CWC27: variants seen among roughly 807,000 people sequenced by gnomAD.
CWC27 encodes the protein CWC27 spliceosome associated cyclophilin, also known as spliceosome-associated protein CWC27 homolog.
A neutral mutation model predicts 63.6 loss-of-function variants in CWC27; 47 were observed. The observed-to-expected ratio is 0.74, with a 90% CI of 0.58 to 0.94. The LOEUF (loss-of-function observed/expected upper bound fraction) is 0.94. Among genes scored for constraint, CWC27 ranks in the 40% least tolerant of loss-of-function variants. The pLI is 0.00. For synonymous variants in CWC27, 175 were observed against 179.8 expected, an observed-to-expected ratio of 0.97 and a Z score of 0.22; for missense variants, 495 against 554.3, an observed-to-expected ratio of 0.89 and a Z score of 1.07.
chr5:64,799,131 C>T (rs181120722), intron 7 of CWC27, among the ~76,000 whole-genome samples: 202 of 152,312 alleles, frequency 1.3e-3, no homozygotes, highest in Middle Eastern at 6.8e-3. Context: ...AACCCTAGAT[C>T]CTCTACCACT....
chr5:64,881,868 A>C (rs1746943704), intron 10 of CWC27, among the ~76,000 whole-genome samples: 1 of 152,104 alleles, frequency 6.6e-6, no homozygotes, highest in African/African-American at 2.4e-5. Context: ...AATAATCTCT[A>C]CCTCAAAGAC....
intron 10 of CWC27, among the ~76,000 whole-genome samples, chr5:64,853,878 A>G (rs535801807): frequency 1.3e-5 from 2 of 152,344 alleles, no homozygotes; most frequent in Admixed American, 6.5e-5. Context: ...AAGTTAAGTC[A>G]TGTTAGGTAT....
At chr5:64,825,588 G>GT (rs983727141) in intron 10 of CWC27, among the ~76,000 whole-genome samples, 15 of 151,944 alleles carry the variant, frequency 9.9e-5, no homozygotes, top group African/African-American at 3.6e-4. Context: ...TTGGGGTTTT[G>GT]TTTTTTAGCT....
At chr5:64,790,965 GTC>G (rs1744056284) in intron 7 of CWC27, among the ~76,000 whole-genome samples, 1 of 152,080 alleles carries the variant, frequency 6.6e-6, no homozygotes, top group South Asian at 2.1e-4. Flanking sequence ...AGCTAGTTAA[GTC>G]TCTCATATGA....
Position 64,935,569 on chromosome 5 carries a change from T to C in CWC27, c.1043-36134T>C, listed in dbSNP as rs191241632. Among the ~76,000 whole-genome samples, 596 of 152,320 alleles carry C rather than the reference T, an allele frequency of 3.9e-3. 4 individuals are homozygous for C. The highest frequency in any genetic ancestry group is 0.017 in the Middle Eastern group (5 of 294). ...CCAGCTTTGTTCTTTTTGCTTAGGA[T>C]TGTCTTGGCTATACAGCCTCTTCTT... On this transcript the variant is annotated intron_variant, in intron 11 of 13. Transcript: ENST00000381070.
chr5:64,921,663 G>T (rs1376971387), intron 11 of CWC27, among the ~76,000 whole-genome samples: 2 of 152,044 alleles, frequency 1.3e-5, no homozygotes, highest in Non-Finnish European at 2.9e-5. Flanking sequence ...TACATTCAGG[G>T]TCAATATTGA....
chr5:64,805,420 A>G (rs566578138), intron 10 of CWC27, among the ~76,000 whole-genome samples: 2 of 151,694 alleles, frequency 1.3e-5, no homozygotes, highest in African/African-American at 2.4e-5. Context: ...TAGTGATCAT[A>G]TGCATGCTTC....
intron 11 of CWC27, among the ~76,000 whole-genome samples, chr5:64,893,131 T>A (rs868851505): frequency 1.3e-5 from 2 of 152,258 alleles, no homozygotes; most frequent in Non-Finnish European, 2.9e-5. Context: ...ATATTTAGAT[T>A]GTCTCCAGAG....
chr5:64,886,582 T>C (rs1747076535), intron 11 of CWC27, among the ~76,000 whole-genome samples: 2 of 152,108 alleles, frequency 1.3e-5, no homozygotes, highest in Admixed American at 6.5e-5. Flanking sequence ...AGTGGCACAA[T>C]GTTTGGCCAT....
intron 10 of CWC27, among the ~76,000 whole-genome samples, chr5:64,864,854 A>G (rs1387378384): frequency 6.6e-6 from 1 of 152,118 alleles, no homozygotes; most frequent in African/African-American, 2.4e-5. Context: ...AATCAAGCTA[A>G]TTAACATATC....
At chr5:64,844,688 C>T (rs557590631) in intron 10 of CWC27, among the ~76,000 whole-genome samples, 4 of 152,212 alleles carry the variant, frequency 2.6e-5, no homozygotes, top group Non-Finnish European at 4.4e-5. Flanking sequence ...GACATGGGTG[C>T]TCAAGCAGTG....
At chr5:65,005,582 A>G (rs1417265329) in intron 13 of CWC27, among the ~76,000 whole-genome samples, 1 of 152,156 alleles carries the variant, frequency 6.6e-6, no homozygotes, top group Non-Finnish European at 1.5e-5. Context: ...GCCTGTCCTC[A>G]GGCCCCCAGA....
rs181536849 is a variant in CWC27 at position 64,794,641 on chromosome 5, A to G, written c.670-5607A>G. On this transcript the variant is annotated intron_variant, in intron 7 of 13. Transcript: ENST00000381070. Reference sequence around the variant, plus strand: ...AAAACCACCTAACATAGGGAATGCAATGAGGAACTGGATATAATAATACTT... The same window carrying G: ...AAAACCACCTAACATAGGGAATGCAGTGAGGAACTGGATATAATAATACTT... Among the ~76,000 whole-genome samples the G allele has an allele frequency of 3.3e-5, 5 of 152,256 alleles. No individual in the cohort carries two copies. In the East Asian group the frequency reaches 9.6e-4, roughly 29 times the overall value.
chr5:64,869,184 G>A (rs529276094), intron 10 of CWC27, among the ~76,000 whole-genome samples: 1 of 152,046 alleles, frequency 6.6e-6, no homozygotes, highest in African/African-American at 2.4e-5. Flanking sequence ...TCTCATTTTG[G>A]TTTAATGAAG....
rs545817206 is a variant in CWC27, at chr5:64,797,117, C to T, written c.670-3131C>T. ...TTGTTTGCAGATAGTTTTGAATTTT[C>T]TGTGAAGCCCCTAACACTGAATTCA... On this transcript the variant is annotated intron_variant, in intron 7 of 13. Coordinates refer to ENST00000381070, the MANE Select transcript of CWC27 (RefSeq NM_005869.4). Among the ~76,000 whole-genome samples the T allele has an allele frequency of 5.2e-4, 79 of 152,002 alleles. 1 individual carries two copies. The highest frequency in any genetic ancestry group is 1.9e-3 in the African/African-American group (77 of 41,472).
chr5:64,807,505 G>A, intron 10 of CWC27: 1 of 1,400,474 alleles, frequency 7.1e-7, no homozygotes, highest in Non-Finnish European at 9.2e-7. Context: ...TCTCCTTAGA[G>A]AATCGGCACC....
intron 11 of CWC27, among the ~76,000 whole-genome samples, chr5:64,969,880 AG>A (rs1224614887): frequency 2.0e-5 from 3 of 152,176 alleles, no homozygotes; most frequent in African/African-American, 7.2e-5. Flanking sequence ...GCCGGAATTA[AG>A]CAAGGAGAAT....
intron 11 of CWC27, among the ~76,000 whole-genome samples, chr5:64,955,518 A>G (rs1748788207): frequency 6.6e-6 from 1 of 152,138 alleles, no homozygotes; most frequent in Non-Finnish European, 1.5e-5. Flanking sequence ...AATTCACAGC[A>G]TTACCACTAA....
At position 64,855,179 on chromosome 5, in the gene CWC27, G is replaced by C. The variant is rs116358459; in HGVS notation, c.939-30264G>C. On this transcript the variant is annotated intron_variant, in intron 10 of 13. Coordinates refer to ENST00000381070, the MANE Select transcript of CWC27 (RefSeq NM_005869.4). ...TAGCAATTCTAGACCTGTTGAAAAA[G>C]AGATGTTGTTGTCATATTTGAAAAA... Among the ~76,000 whole-genome samples, 1,217 of 152,112 alleles carry C rather than the reference G, an allele frequency of 8.0e-3. 20 individuals are homozygous for C. Among genetic ancestry groups the C allele is most frequent in the African/African-American group, 0.028 (1,171 of 41,530 alleles).
Sources: allele counts gnomAD v4.1 joint callset (sites outside exome capture counted in the v4.1 genomes callset), GRCh38; gene constraint gnomAD v4.1.1; transcripts MANE v1.5; gene names NCBI Gene and HGNC (gene_info 2026-07-23, HGNC 2026-07-21).